The following ST8SIA6 variants were observed in gnomAD, a reference collection of about 807,000 sequenced individuals.
The protein encoded by ST8SIA6 is ST8 alpha-N-acetyl-neuraminide alpha-2,8-sialyltransferase 6.
ST8SIA6 carries 39 observed loss-of-function variants against 33.6 expected under a neutral mutation model. That is an observed-to-expected ratio of 1.16 (90% CI 0.90 to 1.52). The LOEUF (loss-of-function observed/expected upper bound fraction) is 1.52, where lower values mean the gene tolerates loss of function less well. ST8SIA6 is among the 40% of genes most tolerant of loss of function. The probability of loss-of-function intolerance (pLI) is 0.00; values close to 1 mark genes in which losing one functional copy is unlikely to be tolerated. For synonymous variants in ST8SIA6, 172 were observed against 167.2 expected, an observed-to-expected ratio of 1.03 and a Z score of -0.22; for missense variants, 441 against 443.8, an observed-to-expected ratio of 0.99 and a Z score of 0.06.
intron 2 of ST8SIA6, among the ~76,000 whole-genome samples, chr10:17,414,274 C>T (rs957050649): frequency 6.6e-6 from 1 of 152,194 alleles, no homozygotes; most frequent in African/African-American, 2.4e-5. Flanking sequence ...TTAAGGATAC[C>T]TGGCAGTCCT....
At chr10:17,380,879 A>G (rs1286493671) in intron 3 of ST8SIA6, among the ~76,000 whole-genome samples, 3 of 149,206 alleles carry the variant, frequency 2.0e-5, no homozygotes, top group Non-Finnish European at 3.0e-5. Flanking sequence ...GTATGTGTAC[A>G]CGTTTGTGTG....
At chr10:17,403,210 G>A (rs974045103) in intron 2 of ST8SIA6, among the ~76,000 whole-genome samples, 3 of 152,178 alleles carry the variant, frequency 2.0e-5, no homozygotes, top group Non-Finnish European at 2.9e-5. Context: ...GCCTGAAGTG[G>A]GAGTTATCAA....
At chr10:17,333,748 G>A (rs1197421702) in intron 4 of ST8SIA6, among the ~76,000 whole-genome samples, 1 of 60,218 alleles carries the variant, frequency 1.7e-5, no homozygotes, top group Admixed American at 2.0e-4. Flanking sequence ...TTTTGCTACA[G>A]TCTTGCTCTG....
At chr10:17,393,342 A>G (rs1262359701) in intron 2 of ST8SIA6, among the ~76,000 whole-genome samples, 2 of 152,160 alleles carry the variant, frequency 1.3e-5, no homozygotes, top group Non-Finnish European at 2.9e-5. Flanking sequence ...ATCTCTTGCT[A>G]TCTCTCTATT....
chr10:17,447,242 C>G (rs1478968377), intron 2 of ST8SIA6, among the ~76,000 whole-genome samples: 1 of 150,856 alleles, frequency 6.6e-6, no homozygotes. Flanking sequence ...TTAGTAAACC[C>G]TATCTTTATA....
At chr10:17,437,911 A>G (rs571894047) in intron 2 of ST8SIA6, among the ~76,000 whole-genome samples, 2 of 151,914 alleles carry the variant, frequency 1.3e-5, no homozygotes, top group South Asian at 4.2e-4. Flanking sequence ...TTGTATTTTT[A>G]GTAGAGATGG....
At chr10:17,418,601 A>G (rs1394401637) in intron 2 of ST8SIA6, among the ~76,000 whole-genome samples, 2 of 152,202 alleles carry the variant, frequency 1.3e-5, no homozygotes, top group African/African-American at 4.8e-5. Flanking sequence ...TTGTTGTTAC[A>G]AGCATTCTCC....
chr10:17,321,178 G>C lies in ST8SIA6; in HGVS notation c.897C>G (p.Phe299Leu). Reference sequence around the variant, plus strand: ...CCAGATCTTTCAGGTACTTGGGATGGAAAAATAGAACCTTTTGTCTTGCTT... The same window carrying C: ...CCAGATCTTTCAGGTACTTGGGATGCAAAAATAGAACCTTTTGTCTTGCTT... ...ESKARQKVLFFHPKYLKDLAL... is the reference protein window; with the variant it reads ...ESKARQKVLFLHPKYLKDLAL... Residue 299 changes from phenylalanine (F) to leucine (L), a missense_variant, in exon 8 of 8, where the codon TTC (phenylalanine) becomes TTG (leucine). Physicochemically the swap from Phe to Leu is conservative, Grantham distance 22. Coordinates refer to ENST00000377602, the MANE Select transcript of ST8SIA6 (RefSeq NM_001004470.3). The C allele has an allele frequency of 6.2e-7, 1 of 1,614,042 alleles. No homozygotes were observed. The highest frequency in any genetic ancestry group is 8.5e-7 in the Non-Finnish European group (1 of 1,179,974).
chr10:17,382,737 G>C (rs1331541107), intron 3 of ST8SIA6, among the ~76,000 whole-genome samples: 2 of 152,148 alleles, frequency 1.3e-5, no homozygotes, highest in Admixed American at 1.3e-4. Flanking sequence ...TGAGATACAG[G>C]GCAAGAAATT....
Position 17,390,531 on chromosome 10 carries a change from C to T in ST8SIA6, c.290G>A (p.Gly97Glu). Residue 97 changes from glycine (G) to glutamate (E), a missense_variant and splice_region_variant, in exon 3 of 8, where the codon GGG becomes GAG. By Grantham distance (98) the Gly-to-Glu change is moderately conservative (BLOSUM62 -2). Coordinates refer to ENST00000377602, the MANE Select transcript of ST8SIA6 (RefSeq NM_001004470.3). Reference sequence around the variant, plus strand: ...ATTAAATGTGAAGAGTAGAACTTACCCTTTCGTTTTGTTAGAGAAAGACTC... The same window carrying T: ...ATTAAATGTGAAGAGTAGAACTTACTCTTTCGTTTTGTTAGAGAAAGACTC... ...GIESFSNKTKGYSENDYLQII... is the reference protein window; with the variant it reads ...GIESFSNKTKEYSENDYLQII... 1 of 1,608,706 alleles carries T rather than the reference C, an allele frequency of 6.2e-7. No individual in the cohort carries two copies.
intron 2 of ST8SIA6, among the ~76,000 whole-genome samples, chr10:17,438,109 T>C (rs939679792): frequency 6.6e-6 from 1 of 152,216 alleles, no homozygotes; most frequent in African/African-American, 2.4e-5. Context: ...TATTTTATTT[T>C]ACTGAGCTTG....
intron 3 of ST8SIA6, among the ~76,000 whole-genome samples, chr10:17,372,003 C>T (rs1039995032): frequency 1.1e-4 from 16 of 152,082 alleles, no homozygotes; most frequent in African/African-American, 3.9e-4. Context: ...AATGCACTCT[C>T]CAGGTCGAAA....
intron 3 of ST8SIA6, among the ~76,000 whole-genome samples, chr10:17,377,221 G>C (rs1849948770): frequency 6.6e-6 from 1 of 152,012 alleles, no homozygotes. Flanking sequence ...GCCTGCAAGA[G>C]AAAAAACCCC....
intron 4 of ST8SIA6, among the ~76,000 whole-genome samples, chr10:17,337,235 C>T (rs375404612): frequency 4.6e-5 from 7 of 152,174 alleles, no homozygotes; most frequent in Admixed American, 2.0e-4. Context: ...TCCTCAGCCA[C>T]GATTCCTGTG....
chr10:17,317,486 T>C lies in ST8SIA6; in HGVS notation c.*3392A>G, dbSNP rs909742152. ...ATATCAGATGAATTCCTACAATGCC[T>C]TCAATTTTTAATGGCATAATAATGT... On this transcript the variant is annotated 3_prime_UTR_variant, in exon 8 of 8. Transcript: ENST00000377602. 6.6e-6 allele frequency among the ~76,000 whole-genome samples: 1 copy of C among 152,186 alleles called. No homozygotes were observed. The highest frequency in any genetic ancestry group is 1.5e-5 in the Non-Finnish European group (1 of 68,042).
chr10:17,319,637 A>G lies in ST8SIA6; in HGVS notation c.*1241T>C, dbSNP rs1847880917. On this transcript the variant is annotated 3_prime_UTR_variant, in exon 8 of 8. Coordinates refer to ENST00000377602, the MANE Select transcript of ST8SIA6 (RefSeq NM_001004470.3). Reference sequence around the variant, plus strand: ...CAGTGATACTAGAGATTCTGTTTTGATGTTCTAAAGAAAAATTTTTAAGAT... The same window carrying G: ...CAGTGATACTAGAGATTCTGTTTTGGTGTTCTAAAGAAAAATTTTTAAGAT... Among the ~76,000 whole-genome samples, 2 of 152,212 alleles carry G rather than the reference A, an allele frequency of 1.3e-5. No homozygotes were observed. The highest frequency in any genetic ancestry group is 1.5e-5 in the Non-Finnish European group (1 of 68,026).
At chr10:17,367,404 C>T (rs896724931) in intron 3 of ST8SIA6, among the ~76,000 whole-genome samples, 2 of 152,040 alleles carry the variant, frequency 1.3e-5, no homozygotes, top group East Asian at 3.9e-4. Flanking sequence ...AACCCGCCCC[C>T]ATGATTCAAT....
At chr10:17,450,712 G>T (rs1007111787) in intron 2 of ST8SIA6, among the ~76,000 whole-genome samples, 2 of 152,200 alleles carry the variant, frequency 1.3e-5, no homozygotes, top group Non-Finnish European at 2.9e-5. Context: ...AAAGTGCTGG[G>T]ATTACAGGCT....
At chr10:17,414,129 C>T (rs987494376) in intron 2 of ST8SIA6, among the ~76,000 whole-genome samples, 2 of 151,034 alleles carry the variant, frequency 1.3e-5, no homozygotes, top group African/African-American at 4.8e-5. Flanking sequence ...TTTCTGTTGT[C>T]CTTGACTGGC....
Sources: allele counts gnomAD v4.1 joint callset (sites outside exome capture counted in the v4.1 genomes callset), GRCh38; gene constraint gnomAD v4.1.1; transcripts MANE v1.5; gene names NCBI Gene and HGNC (gene_info 2026-07-23, HGNC 2026-07-21).